The following SLC2A5 variants were observed in gnomAD, a reference collection of about 807,000 sequenced individuals.
SLC2A5 encodes solute carrier family 2, facilitated glucose transporter member 5.
SLC2A5 carries 56 observed loss-of-function variants against 50.3 expected under a neutral mutation model. That is an observed-to-expected ratio of 1.11 (90% CI 0.90 to 1.39). The LOEUF (loss-of-function observed/expected upper bound fraction) is 1.39, where lower values mean the gene tolerates loss of function less well. Ranked by LOEUF, SLC2A5 falls within the 40% of genes most tolerant of loss-of-function variation. SLC2A5 has a pLI of 0.00. For missense variants in SLC2A5, 566 were observed against 650.1 expected (o/e 0.87, Z 1.41); for synonymous variants, 269 against 281.9 (o/e 0.95, Z 0.46).
intron 1 of SLC2A5, among the ~76,000 whole-genome samples, chr1:9,061,313 C>T (rs1454592977): frequency 7.1e-6 from 1 of 140,278 alleles, no homozygotes; most frequent in Non-Finnish European, 1.5e-5. Context: ...GAAAAAATCC[C>T]TTCTATCTGA....
At chr1:9,070,239 CTCGG>C (rs1180069960), upstream of SLC2A5, among the ~76,000 whole-genome samples, 1 of 151,866 alleles carries the variant, frequency 6.6e-6, no homozygotes, top group East Asian at 1.9e-4. Flanking sequence ...CACTACCACG[CTCGG>C]CTAATTTTTA....
chr1:9,067,461 C>T (rs1476389233), intron 1 of SLC2A5, among the ~76,000 whole-genome samples: 1 of 152,210 alleles, frequency 6.6e-6, no homozygotes, highest in Non-Finnish European at 1.5e-5. Context: ...GTTTCCATTC[C>T]TTTCTGCAGC....
At chr1:9,054,103 A>G (rs60761479) in intron 3 of SLC2A5, among the ~76,000 whole-genome samples, 3,496 of 152,220 alleles carry the variant, frequency 0.023, 144 homozygotes, top group African/African-American at 0.08. Flanking sequence ...GAGAGAGGTA[A>G]GAAGATGGGA....
chr1:9,061,193 G>A (rs1180972933), intron 1 of SLC2A5, among the ~76,000 whole-genome samples: 1 of 149,706 alleles, frequency 6.7e-6, no homozygotes, highest in East Asian at 2.0e-4. Context: ...GAGGTGGAAG[G>A]ATCACTTGAG....
At chr1:9,052,425 A>G (rs1445678525) in intron 3 of SLC2A5, among the ~76,000 whole-genome samples, 1 of 152,186 alleles carries the variant, frequency 6.6e-6, no homozygotes, top group African/African-American at 2.4e-5. Flanking sequence ...TAGGCAGAGC[A>G]TAGAGGATTC....
intron 1 of SLC2A5, among the ~76,000 whole-genome samples, chr1:9,085,685 A>G (rs1642394542): frequency 6.6e-6 from 1 of 152,174 alleles, no homozygotes; most frequent in Non-Finnish European, 1.5e-5. Context: ...ACTGAGGAGG[A>G]AGTTCATTCA....
intron 4 of SLC2A5, 97 bp downstream of exon 4, chr1:9,047,513 G>A (rs1214452589): frequency 6.9e-6 from 9 of 1,302,520 alleles, no homozygotes; most frequent in South Asian, 5.5e-5. Flanking sequence ...CTTTCTACAC[G>A]CTTCAGACAT....
chr1:9,061,526 A>C (rs1641944161), intron 1 of SLC2A5, among the ~76,000 whole-genome samples: 1 of 149,652 alleles, frequency 6.7e-6, no homozygotes, highest in African/African-American at 2.5e-5. Context: ...GGATCACTTG[A>C]GCCCAGGAAT....
At chr1:9,046,948 T>C (rs1000150069) in intron 4 of SLC2A5, among the ~76,000 whole-genome samples, 1 of 151,888 alleles carries the variant, frequency 6.6e-6, no homozygotes, top group Non-Finnish European at 1.5e-5. Context: ...TCTCATGAGA[T>C]CGGATGGTTT....
chr1:9,065,072 T>A lies in SLC2A5; in HGVS notation c.33+4432A>T, dbSNP rs938199551. On this transcript the variant is annotated intron_variant, in intron 1 of 11. Coordinates refer to ENST00000377424, the MANE Select transcript of SLC2A5 (RefSeq NM_003039.3). ...CTGTCTCAAAAAAAAAAAAAAAAAA[T>A]GTATAGCCTATCACTAAATCAATGT... Among the ~76,000 whole-genome samples the A allele has an allele frequency of 2.6e-3, 370 of 140,778 alleles. 1 individual carries two copies. The highest frequency in any genetic ancestry group is 9.8e-3 in the African/African-American group (358 of 36,454). The allele number at this position is 140,778 out of a possible 152,430, so 92.4% of individuals were successfully genotyped here.
chr1:9,058,024 C>G, intron 2 of SLC2A5, 128 bp downstream of exon 2: 2 of 687,398 alleles, frequency 2.9e-6, no homozygotes, highest in South Asian at 3.5e-5. Flanking sequence ...GTGCTGTGTC[C>G]GGAGGGTGTT....
chr1:9,041,726 G>A, intron 5 of SLC2A5, 59 bp downstream of exon 5: 1 of 1,613,674 alleles, frequency 6.2e-7, no homozygotes, highest in Non-Finnish European at 8.5e-7. Context: ...GGAACACAAG[G>A]AGGGGGCCAA....
At chr1:9,064,226 G>C (rs1269785025) in intron 1 of SLC2A5, among the ~76,000 whole-genome samples, 1 of 152,114 alleles carries the variant, frequency 6.6e-6, no homozygotes, top group African/African-American at 2.4e-5. Flanking sequence ...GTAGAAAGAA[G>C]GCTTAAGCCC....
chr1:9,060,272 A>T (rs1641894841), intron 1 of SLC2A5, among the ~76,000 whole-genome samples: 1 of 120,036 alleles, frequency 8.3e-6, no homozygotes, highest in Non-Finnish European at 1.7e-5. Context: ...CACACTCCCC[A>T]CATGTACACA....
chr1:9,063,305 C>A (rs903779521), intron 1 of SLC2A5, among the ~76,000 whole-genome samples: 4 of 151,664 alleles, frequency 2.6e-5, no homozygotes, highest in Non-Finnish European at 4.4e-5. Context: ...CCTGCCTCAG[C>A]CTCCCAAAGT....
chr1:9,076,012 G>A (rs1438166273), intron 2 of SLC2A5, among the ~76,000 whole-genome samples: 2 of 149,820 alleles, frequency 1.3e-5, no homozygotes, highest in African/African-American at 4.9e-5. Context: ...CTGGGGTGCA[G>A]TGGCACAATC....
intron 3 of SLC2A5, among the ~76,000 whole-genome samples, chr1:9,056,801 G>A (rs906077950): frequency 6.6e-6 from 1 of 152,180 alleles, no homozygotes; most frequent in Admixed American, 6.5e-5. Context: ...CAAGAGAGAT[G>A]TCCTAGATGA....
chr1:9,040,414 G>A lies in SLC2A5; in HGVS notation c.572-225C>T. 1.8e-6 allele frequency: 1 copy of A among 565,624 alleles called. No homozygotes were observed. The highest frequency in any genetic ancestry group is 2.1e-5 in the South Asian group (1 of 47,892). 35.0% of individuals were successfully genotyped at this position (565,624 alleles called of 1,614,324 possible). A position where few individuals can be genotyped will look rare whatever the true frequency, so the allele number is the denominator to read the frequency against. ...CTGCGCCCATCAGACAGACCACACC[G>A]ACGAGGCCGGTAATACCATGTGCTG... On this transcript the variant is annotated intron_variant, in intron 5 of 11. Transcript: ENST00000377424. The surrounding 1 kb of genome is among the most constrained non-coding windows in gnomAD (Gnocchi z 4.3).
chr1:9,077,412 G>A (rs1206999710), intron 2 of SLC2A5, among the ~76,000 whole-genome samples: 5 of 125,944 alleles, frequency 4.0e-5, no homozygotes, highest in Non-Finnish European at 1.6e-5. Flanking sequence ...AAAAAAAAAA[G>A]CAAAAAAAAA....
Sources: gnomAD v4.1 joint callset for allele counts (sites outside exome capture counted in the v4.1 genomes callset) on GRCh38, gnomAD v4.1.1 for gene constraint, Gnocchi (gnomAD v3.1) non-coding constraint, MANE v1.5 for transcripts, NCBI Gene and HGNC (gene_info 2026-07-23, HGNC 2026-07-21) for gene names.